Variants in MBD2 observed in about 807,000 individuals in gnomAD.
The protein encoded by MBD2 is methyl-CpG binding domain protein 2.
Under a neutral mutation model 39.3 loss-of-function variants are expected in MBD2, and 9 were observed. The observed-to-expected ratio is 0.23, with a 90% CI of 0.14 to 0.40. MBD2 has a LOEUF of 0.40. MBD2 is among the 10% of genes least tolerant of loss of function. The pLI is 1.00. For synonymous variants in MBD2, 233 were observed against 211.1 expected (o/e 1.10, Z -0.90); for missense variants, 458 against 532.6 (o/e 0.86, Z 1.38).
chr18:54,177,022 G>T (rs759780614), intron 3 of MBD2, among the ~76,000 whole-genome samples: 5 of 152,178 alleles, frequency 3.3e-5, no homozygotes, highest in Non-Finnish European at 7.3e-5. Context: ...CACACAGTGG[G>T]TATACAATAC....
Position 54,188,905 on chromosome 18 carries a change from T to G in MBD2, c.809A>C (p.Asp270Ala). Residue 270 changes from aspartate (D) to alanine (A), a missense_variant, in exon 3 of 7, where the codon GAC becomes GCC. By Grantham distance (126) the Asp-to-Ala change is moderately radical. This residue lies in a region of MBD2 where 189 missense variants were observed against 296.6 expected (regional missense o/e 0.64). Coordinates refer to ENST00000256429, the MANE Select transcript of MBD2 (RefSeq NM_003927.5). ...TGGCTGTTCATTCATTCGTTGTGGG[T>G]CTGATTTCACTTTATTACTAGGATG... ...TNHPSNKVKS[D>A]PQRMNEQPRQ... 1 of 1,608,786 alleles carries G rather than the reference T, an allele frequency of 6.2e-7. No individual in the cohort carries two copies. Among genetic ancestry groups the G allele is most frequent in the Non-Finnish European group, 8.5e-7 (1 of 1,176,582 alleles).
chr18:54,211,848 T>C (rs1320152556), intron 1 of MBD2, among the ~76,000 whole-genome samples: 1 of 150,510 alleles, frequency 6.6e-6, no homozygotes, highest in Non-Finnish European at 1.5e-5. Flanking sequence ...TAGATCCTTT[T>C]TCCTATGGCC....
At chr18:54,180,903 C>CTTTTTTTTT (rs1189903798) in intron 3 of MBD2, among the ~76,000 whole-genome samples, 2 of 49,876 alleles carry the variant, frequency 4.0e-5, no homozygotes, top group Non-Finnish European at 6.7e-5. Flanking sequence ...TTTTCTTTTT[C>CTTTTTTTTT]TTTTTTTTTT....
At chr18:54,184,097 A>G (rs1019434245) in intron 3 of MBD2, among the ~76,000 whole-genome samples, 1 of 152,112 alleles carries the variant, frequency 6.6e-6, no homozygotes, top group African/African-American at 2.4e-5. Flanking sequence ...ATTTAAAATA[A>G]AATGCCCTTT....
chr18:54,212,422 T>C (rs530004402), intron 1 of MBD2, among the ~76,000 whole-genome samples: 1 of 152,316 alleles, frequency 6.6e-6, no homozygotes, highest in Non-Finnish European at 1.5e-5. Flanking sequence ...TCTGCACTGG[T>C]AGAAATTTTC....
In MBD2 at chr18:54,151,812, T is replaced by C. The variant is rs1024541504; in HGVS notation, c.*3512A>G. On this transcript the variant is annotated 3_prime_UTR_variant, in exon 7 of 7. Coordinates refer to ENST00000256429, the MANE Select transcript of MBD2 (RefSeq NM_003927.5). ...TTCAAAGAGATTGTATAACACTCTC[T>C]AGATCTCCTCTTTAGACCAAAAAAA... 2 of 141,578 alleles carry C rather than the reference T, an allele frequency of 1.4e-5. No individual in the cohort carries two copies. Among genetic ancestry groups the C allele is most frequent in the Non-Finnish European group, 3.0e-5 (2 of 66,528 alleles). The allele number at this position is 141,578 out of a possible 1,614,324, so 8.8% of individuals were successfully genotyped here.
intron 1 of MBD2, among the ~76,000 whole-genome samples, 182 bp from the exon 2 acceptor site, chr18:54,205,339 A>T (rs1384606280): frequency 6.6e-6 from 1 of 152,192 alleles, no homozygotes; most frequent in Admixed American, 6.5e-5. Flanking sequence ...TGGGAGGCAG[A>T]GGCAGGTGGA....
chr18:54,194,544 G>GTT (rs1263636856), intron 2 of MBD2, among the ~76,000 whole-genome samples: 2 of 148,270 alleles, frequency 1.3e-5, no homozygotes, highest in African/African-American at 2.6e-5. Context: ...ATATATAGAA[G>GTT]TTGTGTGTGT....
intron 3 of MBD2, among the ~76,000 whole-genome samples, chr18:54,168,847 C>T (rs529263092): frequency 3.9e-5 from 6 of 152,054 alleles, no homozygotes; most frequent in Admixed American, 1.3e-4. Context: ...AGTCCTCAGG[C>T]GGTAAATGTC....
intron 1 of MBD2, among the ~76,000 whole-genome samples, chr18:54,211,160 C>T (rs923872369): frequency 6.6e-5 from 10 of 152,034 alleles, no homozygotes; most frequent in African/African-American, 2.4e-4. Context: ...CGTGAGCCAC[C>T]GCGCCCGGCC....
At chr18:54,177,641 C>G (rs1326210832) in intron 3 of MBD2, among the ~76,000 whole-genome samples, 1 of 151,766 alleles carries the variant, frequency 6.6e-6, no homozygotes, top group Non-Finnish European at 1.5e-5. Context: ...CCACCACGCC[C>G]GGCTAATTTT....
chr18:54,159,388 A>T (rs1363789892), intron 6 of MBD2, among the ~76,000 whole-genome samples: 2 of 152,128 alleles, frequency 1.3e-5, no homozygotes, highest in African/African-American at 2.4e-5. Flanking sequence ...TGAGGAAGCT[A>T]CAGGGAAAAT....
intron 1 of MBD2, among the ~76,000 whole-genome samples, chr18:54,213,833 AG>A (rs1202086578): frequency 6.6e-6 from 1 of 152,166 alleles, no homozygotes; most frequent in African/African-American, 2.4e-5. Context: ...CATAATTACA[AG>A]TGTGTGTATG....
rs1047517170 is a variant in MBD2, at chr18:54,154,664, C to A, written c.*660G>T. The A allele has an allele frequency of 6.6e-6, 1 of 152,274 alleles. No individual in the cohort carries two copies. Among genetic ancestry groups the A allele is most frequent in the African/African-American group, 2.4e-5 (1 of 41,440 alleles). The allele number at this position is 152,274 out of a possible 1,614,324, so 9.4% of individuals were successfully genotyped here. A position where few individuals can be genotyped will look rare whatever the true frequency, so the allele number is the denominator to read the frequency against. Reference sequence around the variant, plus strand: ...AAATTCTTAGAAATTCTGGTGAAAGCACAATTCTCACAACGTCCAGAGGCA... The same window carrying A: ...AAATTCTTAGAAATTCTGGTGAAAGAACAATTCTCACAACGTCCAGAGGCA... On this transcript the variant is annotated 3_prime_UTR_variant, in exon 7 of 7. Coordinates refer to ENST00000256429, the MANE Select transcript of MBD2 (RefSeq NM_003927.5).
At chr18:54,192,632 A>G (rs1240399519) in intron 2 of MBD2, among the ~76,000 whole-genome samples, 1 of 152,218 alleles carries the variant, frequency 6.6e-6, no homozygotes, top group Non-Finnish European at 1.5e-5. Context: ...AACCGTCTGC[A>G]TGAGTAAACA....
intron 1 of MBD2, among the ~76,000 whole-genome samples, chr18:54,211,252 C>G (rs1218069596): frequency 6.6e-6 from 1 of 152,000 alleles, no homozygotes; most frequent in Admixed American, 6.6e-5. Flanking sequence ...AAACATTTCC[C>G]TAACTTTAAA....
intron 5 of MBD2, among the ~76,000 whole-genome samples, chr18:54,163,338 T>A (rs1417198695): frequency 2.6e-5 from 4 of 152,150 alleles, no homozygotes; most frequent in Non-Finnish European, 5.9e-5. Context: ...AAGTGTCATC[T>A]GCTGATTTTG....
At position 54,199,555 on chromosome 18, in the gene MBD2, T is replaced by C. The variant is rs113211364; in HGVS notation, c.702+5443A>G. On this transcript the variant is annotated intron_variant, in intron 2 of 6. Coordinates refer to ENST00000256429, the MANE Select transcript of MBD2 (RefSeq NM_003927.5). ...ATTCCTGGGGGTCCCCAAGATCATTTTGGAAGTCCAAGAAACAAAACTATT... is the reference window on the plus strand; with the variant it reads ...ATTCCTGGGGGTCCCCAAGATCATTCTGGAAGTCCAAGAAACAAAACTATT... Among the ~76,000 whole-genome samples the C allele has an allele frequency of 5.2e-3, 791 of 152,310 alleles. 11 individuals are homozygous for C. Among genetic ancestry groups the C allele is most frequent in the African/African-American group, 0.016 (669 of 41,568 alleles).
chr18:54,221,457 CAA>C (rs11285730), intron 1 of MBD2, among the ~76,000 whole-genome samples: 2,544 of 135,208 alleles, frequency 0.019, 38 homozygotes, highest in African/African-American at 0.036. Context: ...GACTCCGTCT[CAA>C]AAAAAAAAAA....
Sources: allele counts gnomAD v4.1 joint callset (sites outside exome capture counted in the v4.1 genomes callset), GRCh38; gene constraint gnomAD v4.1.1; regional missense constraint gnomAD v4.1.1; transcripts MANE v1.5; gene names NCBI Gene and HGNC (gene_info 2026-07-23, HGNC 2026-07-21).